The following DLC1 variants were observed in gnomAD, a reference collection of about 807,000 sequenced individuals.
DLC1 encodes the protein rho GTPase-activating protein 7.
In DLC1, 54 loss-of-function variants were observed where a neutral mutation model predicts 140.3. The observed-to-expected ratio is 0.38, with a 90% confidence interval of 0.31 to 0.48. The LOEUF (loss-of-function observed/expected upper bound fraction) is 0.48, where lower values mean the gene tolerates loss of function less well. Ranked by LOEUF, DLC1 falls within the 20% of genes least tolerant of loss-of-function variation. The pLI is 0.96. For missense variants in DLC1, 2,536 were observed against 1,907.0 expected (o/e 1.33, Z -6.14); for synonymous variants, 986 against 728.1 (o/e 1.35, Z -5.70).
At chr8:13,399,863 C>A (rs971491912) in intron 3 of DLC1, among the ~76,000 whole-genome samples, 1 of 151,966 alleles carries the variant, frequency 6.6e-6, no homozygotes, top group South Asian at 2.1e-4. Flanking sequence ...GGTAGGGGGG[C>A]GGTGAGTGTT....
chr8:13,307,357 C>G (rs1309910276), intron 4 of DLC1, among the ~76,000 whole-genome samples: 6 of 152,174 alleles, frequency 3.9e-5, no homozygotes, highest in Admixed American at 6.5e-5. Flanking sequence ...AAGAAGTCAT[C>G]TGACTTTTCT....
At chr8:13,470,890 C>G (rs553442849) in intron 2 of DLC1, among the ~76,000 whole-genome samples, 2 of 152,104 alleles carry the variant, frequency 1.3e-5, no homozygotes, top group South Asian at 4.1e-4. Context: ...AATGAATGGA[C>G]AAATGGATAA....
At chr8:13,159,389 C>CACTTTATCAA (rs1163916353) in intron 5 of DLC1, among the ~76,000 whole-genome samples, 1 of 152,188 alleles carries the variant, frequency 6.6e-6, no homozygotes, top group Non-Finnish European at 1.5e-5. Context: ...TGAAGGACTC[C>CACTTTATCAA]AGGGCGCTGC....
intron 2 of DLC1, among the ~76,000 whole-genome samples, chr8:13,491,025 T>G (rs1030067031): frequency 6.8e-6 from 1 of 147,860 alleles, no homozygotes; most frequent in African/African-American, 2.5e-5. Flanking sequence ...TCAGAATATA[T>G]ATATATATAA....
chr8:13,121,754 T>C (rs1033279607), intron 5 of DLC1, among the ~76,000 whole-genome samples: 4 of 152,072 alleles, frequency 2.6e-5, no homozygotes, highest in Non-Finnish European at 5.9e-5. Context: ...AGTCTCGCTA[T>C]GTTGCCCAGG....
chr8:13,571,744 A>C (rs1804659682), intron 1 of DLC1, among the ~76,000 whole-genome samples: 1 of 152,218 alleles, frequency 6.6e-6, no homozygotes, highest in Non-Finnish European at 1.5e-5. Flanking sequence ...TTGCTGGATC[A>C]CGTGGTAATT....
At chr8:13,225,857 C>T (rs1165284431) in intron 5 of DLC1, among the ~76,000 whole-genome samples, 3 of 152,016 alleles carry the variant, frequency 2.0e-5, no homozygotes, top group African/African-American at 2.4e-5. Context: ...CCTCGCGATC[C>T]GCCTGCCTTG....
intron 1 of DLC1, among the ~76,000 whole-genome samples, chr8:13,570,218 G>A (rs891802182): frequency 4.6e-5 from 7 of 151,400 alleles, no homozygotes; most frequent in African/African-American, 1.2e-4. Context: ...ATATTCAAGC[G>A]TCTCTACATT....
intron 4 of DLC1, among the ~76,000 whole-genome samples, chr8:13,391,658 T>G (rs1178603313): frequency 1.3e-5 from 2 of 152,184 alleles, no homozygotes; most frequent in African/African-American, 4.8e-5. Flanking sequence ...ATTGACCATA[T>G]TTATAAACAC....
chr8:13,090,900 G>A (rs536991848), intron 14 of DLC1, among the ~76,000 whole-genome samples: 1 of 151,366 alleles, frequency 6.6e-6, no homozygotes, highest in African/African-American at 2.4e-5. Context: ...ACATCCCTGG[G>A]CTCAGGTGAT....
intron 5 of DLC1, among the ~76,000 whole-genome samples, chr8:13,158,700 T>C (rs1179874998): frequency 6.7e-6 from 1 of 150,346 alleles, no homozygotes; most frequent in Non-Finnish European, 1.5e-5. Flanking sequence ...CAGTAATCTT[T>C]ATTGCTAGAG....
At chr8:13,354,710 C>T (rs1219177991) in intron 4 of DLC1, among the ~76,000 whole-genome samples, 3 of 150,064 alleles carry the variant, frequency 2.0e-5, no homozygotes, top group East Asian at 2.0e-4. Flanking sequence ...TTTGGGAGGC[C>T]GAAGTGGGTG....
At chr8:13,248,918 A>G (rs1829880312) in intron 5 of DLC1, among the ~76,000 whole-genome samples, 2 of 152,076 alleles carry the variant, frequency 1.3e-5, no homozygotes, top group African/African-American at 2.4e-5. Flanking sequence ...AGCTTTGCAG[A>G]TAGAAATCAT....
chr8:13,085,837 C>T lies in DLC1; in HGVS notation c.4561G>A (p.Glu1521Lys). ...CACCTAGATTTGGTGTCTTTGGTTT[C>T]AGTGTTCTGGTTACTGAAGGAATCC... The part of the protein sequence containing the change: ...IRDSFSNQNT[E>K]TKDTKSR The change falls in exon 18 of 18, where the codon GAA (glutamate) becomes AAA (lysine). Residue 1521 changes from glutamate to lysine, a missense_variant. Physicochemically the swap from Glu to Lys is moderately conservative, Grantham distance 56. Transcript: ENST00000276297. 6.2e-7 allele frequency: 1 copy of T among 1,614,134 alleles called. No individual in the cohort carries two copies. The highest frequency in any genetic ancestry group is 8.5e-7 in the Non-Finnish European group (1 of 1,180,014).
rs577435814 is a variant in DLC1, at chr8:13,248,943, C to G, written c.1348+56326G>C. Among the ~76,000 whole-genome samples, 15 of 152,274 alleles carry G rather than the reference C, an allele frequency of 9.9e-5. No individual in the cohort carries two copies. In the South Asian group the frequency reaches 2.9e-3, roughly 29 times the overall value. On this transcript the variant is annotated intron_variant, in intron 5 of 17. Coordinates refer to ENST00000276297, the MANE Select transcript of DLC1 (RefSeq NM_182643.3). Reference sequence around the variant, plus strand: ...ATAGAAATCATTACCAATTGGAACTCCCAAACCTCAGAGGGGCTATTTTAC... The same window carrying G: ...ATAGAAATCATTACCAATTGGAACTGCCAAACCTCAGAGGGGCTATTTTAC...
At chr8:13,249,373 C>T (rs1014248547) in intron 5 of DLC1, among the ~76,000 whole-genome samples, 1 of 152,128 alleles carries the variant, frequency 6.6e-6, no homozygotes, top group African/African-American at 2.4e-5. Context: ...CCACCACGTC[C>T]GGCCACCCTG....
At chr8:13,168,783 G>A (rs903793694) in intron 5 of DLC1, among the ~76,000 whole-genome samples, 8 of 152,162 alleles carry the variant, frequency 5.3e-5, no homozygotes, top group Non-Finnish European at 1.0e-4. Context: ...TCTGTCAAAC[G>A]GACACACGGG....
intron 4 of DLC1, among the ~76,000 whole-genome samples, chr8:13,331,118 T>G (rs897189771): frequency 1.3e-5 from 2 of 152,214 alleles, no homozygotes; most frequent in African/African-American, 4.8e-5. Flanking sequence ...TGGTCTCTTA[T>G]TGCAGCCTTC....
chr8:13,591,912 G>T (rs938855537), intron 1 of DLC1, among the ~76,000 whole-genome samples: 3 of 151,962 alleles, frequency 2.0e-5, no homozygotes, highest in Admixed American at 1.3e-4. Flanking sequence ...TGGTTTTTTT[G>T]ACCTTGTCGA....
Sources: gnomAD v4.1 joint callset for allele counts (sites outside exome capture counted in the v4.1 genomes callset) on GRCh38, gnomAD v4.1.1 for gene constraint, MANE v1.5 for transcripts, NCBI Gene and HGNC (gene_info 2026-07-23, HGNC 2026-07-21) for gene names.